ACOX3: variants seen among roughly 807,000 people sequenced by gnomAD.
ACOX3 encodes acyl-CoA oxidase 3, pristanoyl.
Under a neutral mutation model 81.5 loss-of-function variants are expected in ACOX3, and 73 were observed. The observed-to-expected ratio is 0.90, with a 90% CI of 0.74 to 1.09. The LOEUF is 1.09. Ranked by LOEUF, ACOX3 falls within the 50% of genes least tolerant of loss-of-function variation. ACOX3 has a pLI of 0.00. For synonymous variants in ACOX3, 387 were observed against 375.1 expected (o/e 1.03, Z -0.37); for missense variants, 947 against 928.0 (o/e 1.02, Z -0.27).
In ACOX3 at chr4:8,376,348, T is replaced by TAA. The variant is rs61689829; in HGVS notation, c.1654-1198_1654-1197dup. Among the ~76,000 whole-genome samples, 735 of 148,638 alleles carry TAA rather than the reference T, an allele frequency of 4.9e-3. 7 individuals are homozygous for TAA. Among genetic ancestry groups the TAA allele is most frequent in the African/African-American group, 0.013 (543 of 40,488 alleles). ...GATGAGCAGGTGCTACTTTTAAAATTAAAAAAAAAAAAATCCAGCCAAGTG... is the reference window on the plus strand; with the variant it reads ...GATGAGCAGGTGCTACTTTTAAAATTAAAAAAAAAAAAAAATCCAGCCAAGTG... On this transcript the variant is annotated intron_variant, in intron 14 of 17. Coordinates refer to ENST00000356406, the MANE Select transcript of ACOX3 (RefSeq NM_003501.3).
the ACOX3 span, chr4:8,358,320 C>T: frequency 6.6e-6 from 1 of 152,120 alleles, no homozygotes; most frequent in African/African-American, 2.4e-5. Flanking sequence ...GCCTGCCATC[C>T]GGAGGCTTCA....
chr4:8,433,775 G>C (rs1239483526), intron 1 of ACOX3, among the ~76,000 whole-genome samples: 1 of 152,210 alleles, frequency 6.6e-6, no homozygotes, highest in Non-Finnish European at 1.5e-5. Flanking sequence ...ATGTACAAAA[G>C]TAATTAAGAA....
chr4:8,394,351 T>G lies in ACOX3; in HGVS notation c.1179+269A>C, dbSNP rs936885270. On this transcript the variant is annotated intron_variant, in intron 10 of 17. Transcript: ENST00000356406. This position sits in a 1 kb window ranked among gnomAD's most constrained non-coding sequence, Gnocchi z 5.9. ...TAACGTGGATTTTGCAAAACCGTCA[T>G]GTTCTCAAAAGGAGACCAACAGCTG... 6.6e-6 allele frequency among the ~76,000 whole-genome samples: 1 copy of G among 152,190 alleles called. No homozygotes were observed. The highest frequency in any genetic ancestry group is 6.5e-5 in the Admixed American group (1 of 15,284).
rs1008162959 is a variant in ACOX3, at chr4:8,384,434, G to A, written c.1538-2827C>T. Among the ~76,000 whole-genome samples, 2 of 152,120 alleles carry A rather than the reference G, an allele frequency of 1.3e-5. No homozygotes were observed. The highest frequency in any genetic ancestry group is 2.9e-5 in the Non-Finnish European group (2 of 68,020). On this transcript the variant is annotated intron_variant, in intron 13 of 17. Transcript: ENST00000356406. This position sits in a 1 kb window ranked among gnomAD's most constrained non-coding sequence, Gnocchi z 5.3. ...ACTAGGCAGGAAAACGGGCACTGAC[G>A]GGCAGTGAATTCTCTTGCTCGGAAT...
In ACOX3 at chr4:8,399,456, A is replaced by AG; in HGVS notation, c.873+99dup. On this transcript the variant is annotated intron_variant, in intron 8 of 17. Coordinates refer to ENST00000356406, the MANE Select transcript of ACOX3 (RefSeq NM_003501.3). The surrounding 1 kb of genome is among the most constrained non-coding windows in gnomAD (Gnocchi z 4.9). ...CCCCAGCGACACCTGGCCTACGTGG[A>AG]GGGGTCTCCTTTCCAGGTGCAGGGA... 1 of 1,036,106 alleles carries AG rather than the reference A, an allele frequency of 9.7e-7. No homozygotes were observed. The highest frequency in any genetic ancestry group is 2.1e-5 in the Admixed American group (1 of 48,314). The allele number at this position is 1,036,106 out of a possible 1,614,324, so 64.2% of individuals were successfully genotyped here. A position where few individuals can be genotyped will look rare whatever the true frequency, so the allele number is the denominator to read the frequency against.
chr4:8,362,327 C>T (rs901612764), downstream of ACOX3, among the ~76,000 whole-genome samples: 7 of 152,154 alleles, frequency 4.6e-5, no homozygotes, highest in South Asian at 2.1e-4. Context: ...TCCTTTGTTT[C>T]GTTTCTCAGA....
chr4:8,398,882 C>A (rs934504087), intron 8 of ACOX3, among the ~76,000 whole-genome samples: 1 of 152,230 alleles, frequency 6.6e-6, no homozygotes, highest in African/African-American at 2.4e-5. Flanking sequence ...TTCTTCCAAT[C>A]ATTTATTTTT....
chr4:8,379,175 G>A (rs1252164752), intron 14 of ACOX3, among the ~76,000 whole-genome samples: 7 of 152,334 alleles, frequency 4.6e-5, no homozygotes, highest in Admixed American at 1.3e-4. Context: ...AGCCAAATCC[G>A]ATGGTTTTTT....
intron 16 of ACOX3, among the ~76,000 whole-genome samples, chr4:8,371,876 G>A (rs1716256316): frequency 6.6e-6 from 1 of 152,244 alleles, no homozygotes; most frequent in East Asian, 1.9e-4. Context: ...CACGGTCTCT[G>A]GCAACTGCCT....
chr4:8,401,634 G>A (rs1047904524), intron 7 of ACOX3, among the ~76,000 whole-genome samples: 2 of 152,190 alleles, frequency 1.3e-5, no homozygotes, highest in Non-Finnish European at 2.9e-5. Context: ...TCGGAATGGC[G>A]GAGGCCAATG....
Position 8,414,814 on chromosome 4 carries a change from A to C in ACOX3, c.453+40T>G. 5.7e-6 allele frequency: 9 copies of C among 1,587,312 alleles called. No homozygotes were observed. Among genetic ancestry groups the C allele is most frequent in the Non-Finnish European group, 6.9e-6 (8 of 1,155,468 alleles). ...CACAAATCTCTACAGAGATCAAGCA[A>C]GAGAACCAGGCTCACAATTTACCAT... On this transcript the variant is annotated intron_variant, in intron 4 of 17. Coordinates refer to ENST00000356406, the MANE Select transcript of ACOX3 (RefSeq NM_003501.3). This position sits in a 1 kb window ranked among gnomAD's most constrained non-coding sequence, Gnocchi z 6.1.
At chr4:8,361,282 C>T (rs1413649260), downstream of ACOX3, among the ~76,000 whole-genome samples, 1 of 151,444 alleles carries the variant, frequency 6.6e-6, no homozygotes, top group Non-Finnish European at 1.5e-5. Flanking sequence ...AAAAATTAGC[C>T]AGGCGTGGTT....
At position 8,416,286 on chromosome 4, in the gene ACOX3, G is replaced by C; in HGVS notation, c.144+92C>G. 1 of 1,603,530 alleles carries C rather than the reference G, an allele frequency of 6.2e-7. No homozygotes were observed. Among genetic ancestry groups the C allele is most frequent in the Non-Finnish European group, 8.5e-7 (1 of 1,173,160 alleles). ...CCTGGGATGAGCCTCGCCCGGCAGA[G>C]GAGGAGCTGTGAGAGCCAGAAATCC... is the stretch of plus-strand genomic sequence containing the variant. On this transcript the variant is annotated intron_variant, in intron 2 of 17. Coordinates refer to ENST00000356406, the MANE Select transcript of ACOX3 (RefSeq NM_003501.3). This position sits in a 1 kb window ranked among gnomAD's most constrained non-coding sequence, Gnocchi z 4.2.
Position 8,414,303 on chromosome 4 carries a change from G to A in ACOX3, c.532C>T (p.Pro178Ser), listed in dbSNP as rs762724040. Residue 178 changes from proline to serine, a missense_variant, in exon 5 of 18, where the codon CCT becomes TCT. Physicochemically the swap from Pro to Ser is moderately conservative, Grantham distance 74. Coordinates refer to ENST00000356406, the MANE Select transcript of ACOX3 (RefSeq NM_003501.3). The surrounding 1 kb of genome is among the most constrained non-coding windows in gnomAD (Gnocchi z 6.1). ...AAGGTAATACCTACCTCAGTGGCAG[G>A]ATCGTAGTGGGCAGTTGTGCGAATG... ...KAIRTTAHYD[P>S]ATEEFIIHSP... The A allele has an allele frequency of 1.2e-6, 2 of 1,613,964 alleles. No homozygotes were observed. The highest frequency in any genetic ancestry group is 1.7e-6 in the Non-Finnish European group (2 of 1,179,868).
At chr4:8,369,107 T>C (rs1459461005) in intron 17 of ACOX3, among the ~76,000 whole-genome samples, 1 of 152,172 alleles carries the variant, frequency 6.6e-6, no homozygotes, top group Non-Finnish European at 1.5e-5. Context: ...GGTCGTTCCC[T>C]GCCTCAGAGA....
At chr4:8,379,710 G>T (rs555028477) in intron 14 of ACOX3, among the ~76,000 whole-genome samples, 2 of 152,170 alleles carry the variant, frequency 1.3e-5, no homozygotes, top group African/African-American at 2.4e-5. Flanking sequence ...TTGTTAGGAA[G>T]GGGGTCCTTT....
intron 15 of ACOX3, 24 bp from the exon 16 acceptor site, chr4:8,373,652 TG>T (rs1560166856): frequency 6.2e-7 from 1 of 1,603,482 alleles, no homozygotes; most frequent in Admixed American, 1.7e-5. Context: ...CTCGGTCACA[TG>T]GGGGCTGGGT....
chr4:8,439,751 T>G (rs1724486433), intron 1 of ACOX3, among the ~76,000 whole-genome samples: 1 of 152,148 alleles, frequency 6.6e-6, no homozygotes, highest in Non-Finnish European at 1.5e-5. Flanking sequence ...GTGTATTACA[T>G]AAAACACTAT....
rs1030221737 is a variant in ACOX3, at chr4:8,431,461, CCT to C, written c.-15+9185_-15+9186del. Among the ~76,000 whole-genome samples the C allele has an allele frequency of 6.6e-6, 1 of 152,196 alleles. No individual in the cohort carries two copies. Among genetic ancestry groups the C allele is most frequent in the Non-Finnish European group, 1.5e-5 (1 of 68,038 alleles). ...ACCTGCATCTGACAGGGAACACGGG[CCT>C]CTCTGTGAGTCAGGGTGGTGGGGAG... On this transcript the variant is annotated intron_variant, in intron 1 of 17. Coordinates refer to ENST00000356406, the MANE Select transcript of ACOX3 (RefSeq NM_003501.3). The surrounding 1 kb of genome is among the most constrained non-coding windows in gnomAD (Gnocchi z 5.3).
Sources: gnomAD v4.1 joint callset for allele counts (sites outside exome capture counted in the v4.1 genomes callset) on GRCh38, gnomAD v4.1.1 for gene constraint, Gnocchi (gnomAD v3.1) non-coding constraint, MANE v1.5 for transcripts, NCBI Gene and HGNC (gene_info 2026-07-23, HGNC 2026-07-21) for gene names.